The following LCP2 variants were observed in gnomAD, a reference collection of about 807,000 sequenced individuals.
LCP2 encodes the protein lymphocyte cytosolic protein 2, also known as 76 kDa tyrosine phosphoprotein.
LCP2 carries 29 observed loss-of-function variants against 74.5 expected under a neutral mutation model. The ratio of observed to expected loss-of-function variants is 0.39; its 90% confidence interval spans 0.29 to 0.53. The LOEUF (loss-of-function observed/expected upper bound fraction) is 0.53. LCP2 is among the 20% of genes least tolerant of loss of function. The probability of loss-of-function intolerance (pLI) is 0.72; values close to 1 mark genes in which losing one functional copy is unlikely to be tolerated. For synonymous variants in LCP2, 228 were observed against 229.5 expected (o/e 0.99, Z 0.06); for missense variants, 604 against 634.6 (o/e 0.95, Z 0.52).
chr5:170,282,557 G>A (rs1762122832), intron 3 of LCP2, among the ~76,000 whole-genome samples: 1 of 152,162 alleles, frequency 6.6e-6, no homozygotes, highest in Non-Finnish European at 1.5e-5. Context: ...AAAACCCTAT[G>A]TCCTCTCTAT....
rs1196392231 is a variant in LCP2, at chr5:170,288,030, A to G, written c.142-14T>C. ...TTCTGTCAGGTTCTGAAATGAAGAC[A>G]CATATGGCAGGCAGGTTACAACCCA... On this transcript the variant is annotated splice_polypyrimidine_tract_variant and intron_variant, in intron 2 of 20. Transcript: ENST00000046794. The G allele has an allele frequency of 4.3e-6, 7 of 1,613,884 alleles. 1 individual carries two copies. In the South Asian group the frequency reaches 6.6e-5, roughly 15 times the overall value.
At chr5:170,294,389 T>A (rs780736146) in intron 1 of LCP2, among the ~76,000 whole-genome samples, 2 of 152,200 alleles carry the variant, frequency 1.3e-5, no homozygotes, top group Admixed American at 6.5e-5. Flanking sequence ...GTTATTTTCC[T>A]AGACCAATCA....
chr5:170,265,379 C>T (rs1761734223), intron 10 of LCP2, among the ~76,000 whole-genome samples: 1 of 152,094 alleles, frequency 6.6e-6, no homozygotes, highest in South Asian at 2.1e-4. Context: ...TCCAAAACAT[C>T]ACAGAAAACG....
In LCP2 at chr5:170,267,053, T is replaced by C. The variant is rs200231689; in HGVS notation, c.644A>G (p.Asn215Ser). 460 of 1,613,820 alleles carry C rather than the reference T, an allele frequency of 2.9e-4. No homozygotes were observed. The highest frequency in any genetic ancestry group is 3.7e-4 in the Non-Finnish European group (440 of 1,179,880). Residue 215 changes from asparagine (N) to serine (S), a missense_variant, in exon 9 of 21, where the codon AAC (asparagine) becomes AGC (serine). By Grantham distance (46) the Asn-to-Ser change is conservative. Coordinates refer to ENST00000046794, the MANE Select transcript of LCP2 (RefSeq NM_005565.5). ...NHSPLPPPQTNHEEPSRSRNH... is the reference protein window; with the variant it reads ...NHSPLPPPQTSHEEPSRSRNH... The stretch of plus-strand genomic sequence containing the variant: ...TCTGCTTCTGCTGGGTTCTTCGTGG[T>C]TGGTCTGGGGTGGGGGCAGTGGCTG...
chr5:170,255,219 T>C (rs1481345494), intron 17 of LCP2, among the ~76,000 whole-genome samples: 1 of 152,206 alleles, frequency 6.6e-6, no homozygotes, highest in Non-Finnish European at 1.5e-5. Context: ...GACACCACCA[T>C]AACCTCAAAT....
rs959774897 is a variant in LCP2, at chr5:170,248,522, T to C, written c.*175A>G. The C allele has an allele frequency of 1.5e-5, 10 of 647,206 alleles. No individual in the cohort carries two copies. Among genetic ancestry groups the C allele is most frequent in the Non-Finnish European group, 2.4e-5 (9 of 369,860 alleles). The allele number at this position is 647,206 out of a possible 1,614,324, so 40.1% of individuals were successfully genotyped here. ...ACATTGAAGAAGAATAAATAAATTATGGGATAGTTGACAGTCTTCATTTCA... is the reference window on the plus strand; with the variant it reads ...ACATTGAAGAAGAATAAATAAATTACGGGATAGTTGACAGTCTTCATTTCA... On this transcript the variant is annotated 3_prime_UTR_variant, in exon 21 of 21. Coordinates refer to ENST00000046794, the MANE Select transcript of LCP2 (RefSeq NM_005565.5).
chr5:170,272,114 CA>C (rs1761906543), intron 6 of LCP2, among the ~76,000 whole-genome samples: 2 of 152,194 alleles, frequency 1.3e-5, no homozygotes, highest in African/African-American at 2.4e-5. Flanking sequence ...GGTCCGCAGG[CA>C]CGTGGCCTCC....
chr5:170,273,701 T>G, intron 6 of LCP2: 1 of 154,708 alleles, frequency 6.5e-6, no homozygotes, highest in Admixed American at 6.3e-5. Flanking sequence ...TGACTGTGTA[T>G]ACAGGTTCCT....
chr5:170,263,047 G>A, intron 10 of LCP2, 55 bp from the exon 11 acceptor site: 1 of 1,591,140 alleles, frequency 6.3e-7, no homozygotes. Flanking sequence ...TAAGCATGAG[G>A]TTTAAAAACA....
At chr5:170,278,823 C>T (rs185296009) in intron 3 of LCP2, among the ~76,000 whole-genome samples, 3 of 152,228 alleles carry the variant, frequency 2.0e-5, no homozygotes, top group Admixed American at 2.0e-4. Context: ...CAGCAAAGAG[C>T]TGAGTGGGGG....
intron 10 of LCP2, 40 bp from the exon 11 acceptor site, chr5:170,263,032 C>T (rs1232386488): frequency 6.2e-7 from 1 of 1,609,756 alleles, no homozygotes; most frequent in Non-Finnish European, 8.5e-7. Flanking sequence ...GAGTTCAGAA[C>T]TTCATAAGCA....
chr5:170,274,381 C>T (rs1485578685), intron 5 of LCP2, 43 bp from the exon 6 acceptor site: 5 of 1,602,524 alleles, frequency 3.1e-6, no homozygotes, highest in Non-Finnish European at 4.3e-6. Context: ...GAAGAAAAGC[C>T]ACCACTTGAG....
rs1762370957 is a variant in LCP2, at chr5:170,295,886, G to A, written c.78+1648C>T. 2.6e-5 allele frequency among the ~76,000 whole-genome samples: 4 copies of A among 152,254 alleles called. No individual in the cohort carries two copies. In the South Asian group the frequency reaches 8.3e-4, roughly 32 times the overall value. On this transcript the variant is annotated intron_variant, in intron 1 of 20. Transcript: ENST00000046794. ...TTGTCCTGGGGTCTGAGATCTCCAG[G>A]AAGAAAACTCTCCCTTCCCCCAGCT...
chr5:170,250,342 G>A (rs1581054954), intron 20 of LCP2, among the ~76,000 whole-genome samples: 1 of 152,274 alleles, frequency 6.6e-6, no homozygotes. Context: ...AATCACCCCA[G>A]CAAATATTCT....
chr5:170,274,147 T>A (rs1761944729), intron 6 of LCP2, 154 bp downstream of exon 6: 7 of 725,192 alleles, frequency 9.7e-6, no homozygotes, highest in Non-Finnish European at 1.4e-5. Context: ...CTATTTCCTG[T>A]CTGGCCCTGT....
chr5:170,263,062 T>G, intron 10 of LCP2, 70 bp from the exon 11 acceptor site: 2 of 1,551,992 alleles, frequency 1.3e-6, no homozygotes, highest in Middle Eastern at 1.7e-4. Context: ...AAAACACAGT[T>G]TGATGAAACT....
chr5:170,288,089 T>C, intron 2 of LCP2, 73 bp from the exon 3 acceptor site: 1 of 1,462,404 alleles, frequency 6.8e-7, no homozygotes, highest in Non-Finnish European at 9.6e-7. Context: ...GGAAGAGTGA[T>C]ACGTGAAACA....
At chr5:170,292,369 T>C (rs1340802032) in intron 2 of LCP2, among the ~76,000 whole-genome samples, 1 of 152,056 alleles carries the variant, frequency 6.6e-6, no homozygotes, top group Non-Finnish European at 1.5e-5. Context: ...GGTGGTGAGC[T>C]CACCATCACT....
In LCP2 at chr5:170,252,480, T is replaced by A. The variant is rs774198909; in HGVS notation, c.1277A>T (p.Tyr426Phe). 1.8e-5 allele frequency: 28 copies of A among 1,580,696 alleles called. No individual in the cohort carries two copies. The highest frequency in any genetic ancestry group is 2.3e-5 in the Non-Finnish European group (27 of 1,153,574). Residue 426 changes from tyrosine to phenylalanine, a missense_variant, in exon 19 of 21, where the codon TAT becomes TTT. By Grantham distance (22) the Tyr-to-Phe change is conservative. Transcript: ENST00000046794. ...NSLNEEWYVSYITRPEAEAAL... is the reference protein window; with the variant it reads ...NSLNEEWYVSFITRPEAEAAL... ...AGCTTCTGCCTCTGGTCGGGTAATA[T>A]AAGAAACGTACCACTCTTCATTTAA...
Sources: gnomAD v4.1 joint callset for allele counts (sites outside exome capture counted in the v4.1 genomes callset) on GRCh38, gnomAD v4.1.1 for gene constraint, MANE v1.5 for transcripts, NCBI Gene and HGNC (gene_info 2026-07-23, HGNC 2026-07-21) for gene names.